SLC30A8: variants seen among roughly 807,000 people sequenced by gnomAD.
The protein encoded by SLC30A8 is solute carrier family 30 member 8.
In SLC30A8, 27 loss-of-function variants were observed where a neutral mutation model predicts 36.9. The ratio of observed to expected loss-of-function variants is 0.73; its 90% CI spans 0.54 to 1.01. SLC30A8 has a LOEUF of 1.01. Ranked by LOEUF, SLC30A8 falls within the 50% of genes least tolerant of loss-of-function variation. SLC30A8 has a pLI of 0.00. For synonymous variants in SLC30A8, 164 were observed against 172.4 expected, an observed-to-expected ratio of 0.95 and a Z score of 0.38; for missense variants, 439 against 452.0, an observed-to-expected ratio of 0.97 and a Z score of 0.26.
chr8:117,056,403 T>TA (rs2130779795), intron 2 of SLC30A8, among the ~76,000 whole-genome samples: 1 of 152,324 alleles, frequency 6.6e-6, no homozygotes, highest in African/African-American at 2.4e-5. Flanking sequence ...GCTCGCGCTG[T>TA]GGGGACCTTT....
intron 1 of SLC30A8, among the ~76,000 whole-genome samples, chr8:116,990,602 G>T (rs957837811): frequency 6.6e-5 from 10 of 152,130 alleles, no homozygotes; most frequent in African/African-American, 2.4e-4. Flanking sequence ...GAGCCAAGAG[G>T]AGTCTGAGGC....
intron 1 of SLC30A8, among the ~76,000 whole-genome samples, chr8:116,972,537 C>T (rs1814827227): frequency 6.6e-6 from 1 of 152,190 alleles, no homozygotes; most frequent in African/African-American, 2.4e-5. Context: ...TTCAGCAGAC[C>T]TAAGCTCACA....
chr8:117,116,274 A>C (rs1820441292), intron 2 of SLC30A8, among the ~76,000 whole-genome samples: 2 of 152,046 alleles, frequency 1.3e-5, no homozygotes, highest in Admixed American at 1.3e-4. Context: ...GAAGTGACAG[A>C]ATAGTGGTTT....
intron 2 of SLC30A8, among the ~76,000 whole-genome samples, chr8:117,041,145 G>C (rs1171958978): frequency 6.6e-6 from 1 of 152,132 alleles, no homozygotes; most frequent in Non-Finnish European, 1.5e-5. Context: ...TATGCACTCA[G>C]CTTCTTCTGA....
intron 2 of SLC30A8, among the ~76,000 whole-genome samples, chr8:117,091,223 T>C (rs1393780860): frequency 6.6e-6 from 1 of 152,090 alleles, no homozygotes; most frequent in African/African-American, 2.4e-5. Context: ...AAGCCAAGGC[T>C]CTCTTAATCT....
intron 2 of SLC30A8, among the ~76,000 whole-genome samples, chr8:117,094,438 G>A (rs1015062118): frequency 6.6e-6 from 1 of 152,178 alleles, no homozygotes; most frequent in African/African-American, 2.4e-5. Flanking sequence ...CAGTAGAGGG[G>A]AGACCCTGGA....
chr8:117,063,298 G>C (rs1818074753), intron 2 of SLC30A8, among the ~76,000 whole-genome samples: 1 of 152,130 alleles, frequency 6.6e-6, no homozygotes, highest in African/African-American at 2.4e-5. Flanking sequence ...GGTCCAGGCA[G>C]AGCAGGATTT....
intron 4 of SLC30A8, among the ~76,000 whole-genome samples, chr8:117,160,776 A>AT (rs1822750488): frequency 6.6e-6 from 1 of 152,202 alleles, no homozygotes; most frequent in Admixed American, 6.5e-5. Context: ...AAAACTGCAC[A>AT]TTCAGTAGTG....
chr8:117,075,370 C>G (rs1033596158), intron 2 of SLC30A8, among the ~76,000 whole-genome samples: 4 of 152,158 alleles, frequency 2.6e-5, no homozygotes, highest in Non-Finnish European at 5.9e-5. Flanking sequence ...TTTCAATATA[C>G]TTGACTGATT....
chr8:117,005,596 G>A (rs142436301), intron 1 of SLC30A8, among the ~76,000 whole-genome samples: 125 of 152,286 alleles, frequency 8.2e-4, no homozygotes, highest in African/African-American at 2.9e-3. Context: ...ATACCTATGT[G>A]GAATTGCTGG....
chr8:117,029,352 G>A (rs1816964768), intron 1 of SLC30A8, among the ~76,000 whole-genome samples: 2 of 152,116 alleles, frequency 1.3e-5, no homozygotes, highest in Non-Finnish European at 2.9e-5. Flanking sequence ...TTCTAGTTGT[G>A]GGGGTTTAGT....
chr8:117,011,803 A>G (rs1816352864), intron 1 of SLC30A8, among the ~76,000 whole-genome samples: 1 of 152,224 alleles, frequency 6.6e-6, no homozygotes, highest in Admixed American at 6.5e-5. Context: ...TAACTACTCA[A>G]TAAAACATAA....
intron 1 of SLC30A8, among the ~76,000 whole-genome samples, chr8:116,985,293 TACAC>T (rs71305454): frequency 0.12 from 16,559 of 140,104 alleles, 894 homozygotes; most frequent in Admixed American, 0.15. Flanking sequence ...CTCACACACA[TACAC>T]ACACACACAC....
chr8:116,977,842 G>A (rs1175888185), intron 1 of SLC30A8, among the ~76,000 whole-genome samples: 1 of 152,174 alleles, frequency 6.6e-6, no homozygotes, highest in Non-Finnish European at 1.5e-5. Flanking sequence ...TGTGGGGGAA[G>A]GGAAAGCCTG....
intron 2 of SLC30A8, among the ~76,000 whole-genome samples, chr8:117,102,917 A>G (rs1033444245): frequency 6.6e-6 from 1 of 152,008 alleles, no homozygotes; most frequent in Non-Finnish European, 1.5e-5. Flanking sequence ...ACACCACTCA[A>G]CTCAGCGTAG....
At chr8:117,019,947 C>T (rs931562035) in intron 1 of SLC30A8, among the ~76,000 whole-genome samples, 1 of 152,142 alleles carries the variant, frequency 6.6e-6, no homozygotes, top group African/African-American at 2.4e-5. Context: ...ACATGTAGGA[C>T]AACAACACTT....
At position 117,074,156 on chromosome 8, in the gene SLC30A8, G is replaced by A. The variant is rs374287268; in HGVS notation, c.-226+34898G>A. Among the ~76,000 whole-genome samples, 140 of 151,876 alleles carry A rather than the reference G, an allele frequency of 9.2e-4. 5 individuals carry two copies. The South Asian group carries it at 0.025, about 28-fold the overall frequency. On this transcript the variant is annotated intron_variant, in intron 2 of 10. Transcript: ENST00000427715. ...ACCTAAAGGTCTTTAAGAATGAAAC[G>A]CATGCACGTTTGTGTGTGTTTGTTA...
chr8:117,111,564 T>A (rs913506184), intron 2 of SLC30A8, among the ~76,000 whole-genome samples: 6 of 152,154 alleles, frequency 3.9e-5, no homozygotes, highest in African/African-American at 1.2e-4. Context: ...GTTCCCTGAC[T>A]GTGATAGTTT....
chr8:117,009,540 G>T (rs992029944), intron 1 of SLC30A8, among the ~76,000 whole-genome samples: 2 of 152,150 alleles, frequency 1.3e-5, no homozygotes, highest in African/African-American at 4.8e-5. Context: ...GGGACTCAAT[G>T]AATATTAACA....
Sources: gnomAD v4.1 joint callset for allele counts (sites outside exome capture counted in the v4.1 genomes callset) on GRCh38, gnomAD v4.1.1 for gene constraint, MANE v1.5 for transcripts, NCBI Gene and HGNC (gene_info 2026-07-23, HGNC 2026-07-21) for gene names.